TRPS1: variants seen among roughly 807,000 people sequenced by gnomAD.
TRPS1 encodes the protein zinc finger transcription factor Trps1.
Under a neutral mutation model 101.2 loss-of-function variants are expected in TRPS1, and 6 were observed. That is an observed-to-expected ratio of 0.06 (90% CI 0.03 to 0.12). The LOEUF is 0.12. TRPS1 is among the 10% of genes least tolerant of loss of function. TRPS1 has a pLI of 1.00. For missense variants in TRPS1, 1,363 were observed against 1,567.0 expected, an observed-to-expected ratio of 0.87 and a Z score of 2.20; for synonymous variants, 578 against 589.8, an observed-to-expected ratio of 0.98 and a Z score of 0.29.
At position 115,604,611 on chromosome 8, in the gene TRPS1, C is replaced by A; in HGVS notation, c.1358G>T (p.Ser453Ile). Residue 453 changes from serine (S) to isoleucine (I), a missense_variant, in exon 4 of 7, where the codon AGT (serine) becomes ATT (isoleucine). Physicochemically the swap from Ser to Ile is moderately radical, Grantham distance 142. This residue lies in a region of TRPS1 where 1,020 missense variants were observed against 1,073.0 expected (regional missense o/e 0.95). Coordinates refer to ENST00000395715, the MANE Select transcript of TRPS1 (RefSeq NM_014112.5). This position sits in a 1 kb window ranked among gnomAD's most constrained non-coding sequence, Gnocchi z 4.1. ...TGAGCTAGATGACTCACAGCTGAAA[C>A]TACAAAATTTACACCAGTAGTAACT... is the stretch of plus-strand genomic sequence containing the variant. ...ATSYYWCKFC[S>I]FSCESSSSLK... 1 of 1,614,058 alleles carries A rather than the reference C, an allele frequency of 6.2e-7. No individual in the cohort carries two copies. The highest frequency in any genetic ancestry group is 8.5e-7 in the Non-Finnish European group (1 of 1,180,004).
At chr8:115,640,192 G>C (rs1357813428) in intron 1 of TRPS1, among the ~76,000 whole-genome samples, 1 of 152,122 alleles carries the variant, frequency 6.6e-6, no homozygotes, top group Non-Finnish European at 1.5e-5. Context: ...AAGGCACTTT[G>C]CAGAAATTCC....
chr8:115,644,235 C>A (rs73378989), intron 1 of TRPS1, among the ~76,000 whole-genome samples: 5,483 of 152,236 alleles, frequency 0.036, 323 homozygotes, highest in African/African-American at 0.13. Context: ...TTTGAATGTG[C>A]TCCTTTGTCT....
At chr8:115,462,779 C>T (rs948400632) in intron 5 of TRPS1, among the ~76,000 whole-genome samples, 1 of 151,786 alleles carries the variant, frequency 6.6e-6, no homozygotes, top group African/African-American at 2.4e-5. Flanking sequence ...AAGAATAAGG[C>T]CAGGCAACTC....
intron 1 of TRPS1, among the ~76,000 whole-genome samples, chr8:115,666,256 T>A (rs927217413): frequency 3.3e-5 from 5 of 151,962 alleles, no homozygotes; most frequent in African/African-American, 9.7e-5. Context: ...AGATTAAGCA[T>A]ATCATTAATA....
At chr8:115,484,855 T>C (rs1316872233) in intron 5 of TRPS1, among the ~76,000 whole-genome samples, 1 of 152,168 alleles carries the variant, frequency 6.6e-6, no homozygotes, top group African/African-American at 2.4e-5. Flanking sequence ...CCACCACCAG[T>C]CTTGGAGAAT....
rs1398809169 is a variant in TRPS1, at chr8:115,409,316, T to C, written c.*4707A>G. ...ACCAGAATTGAGTTTTGGGACTCTATGCTCTAGAAGGACAATTTTCTCTGA... is the reference window on the plus strand; with the variant it reads ...ACCAGAATTGAGTTTTGGGACTCTACGCTCTAGAAGGACAATTTTCTCTGA... On this transcript the variant is annotated 3_prime_UTR_variant, in exon 7 of 7. Coordinates refer to ENST00000395715, the MANE Select transcript of TRPS1 (RefSeq NM_014112.5). 3.5e-5 allele frequency: 5 copies of C among 144,622 alleles called. No homozygotes were observed. The highest frequency in any genetic ancestry group is 7.5e-5 in the Non-Finnish European group (5 of 66,446). The allele number at this position is 144,622 out of a possible 1,614,324, so 9.0% of individuals were successfully genotyped here.
chr8:115,486,164 G>A lies in TRPS1; in HGVS notation c.2701-67712C>T, dbSNP rs937120570. On this transcript the variant is annotated intron_variant, in intron 5 of 6. Coordinates refer to ENST00000395715, the MANE Select transcript of TRPS1 (RefSeq NM_014112.5). ...ATTTTGGTAATTCTCACAATATTCC[G>A]AACTTTTTCATTATTACTATAGTAT... is the stretch of plus-strand genomic sequence containing the variant. Among the ~76,000 whole-genome samples the A allele has an allele frequency of 7.2e-5, 11 of 152,178 alleles. No homozygotes were observed. In the South Asian group the frequency reaches 1.0e-3, roughly 14 times the overall value.
intron 1 of TRPS1, among the ~76,000 whole-genome samples, chr8:115,624,812 A>T (rs752215383): frequency 3.3e-5 from 5 of 151,884 alleles, no homozygotes; most frequent in Non-Finnish European, 5.9e-5. Context: ...GCTTAAATAC[A>T]TAAGAAAAAA....
intron 5 of TRPS1, among the ~76,000 whole-genome samples, chr8:115,420,811 C>T (rs973845862): frequency 2.0e-5 from 3 of 152,056 alleles, no homozygotes; most frequent in Non-Finnish European, 4.4e-5. Flanking sequence ...ATCAGGAGTA[C>T]TTTGAATACA....
At chr8:115,654,787 C>A (rs922883509) in intron 1 of TRPS1, among the ~76,000 whole-genome samples, 1 of 152,096 alleles carries the variant, frequency 6.6e-6, no homozygotes, top group Non-Finnish European at 1.5e-5. Flanking sequence ...CACAGTAATT[C>A]TTTAACTTTC....
intron 5 of TRPS1, among the ~76,000 whole-genome samples, chr8:115,429,368 A>G (rs1813264116): frequency 6.6e-6 from 1 of 152,194 alleles, no homozygotes; most frequent in African/African-American, 2.4e-5. Context: ...TTTGTTATGT[A>G]TACATACGTA....
Position 115,587,362 on chromosome 8 carries a change from C to G in TRPS1, c.2339G>C (p.Arg780Thr). The G allele has an allele frequency of 1.9e-6, 3 of 1,614,226 alleles. No individual in the cohort carries two copies. Among genetic ancestry groups the G allele is most frequent in the Non-Finnish European group, 2.5e-6 (3 of 1,180,018 alleles). ...GEPVSESVVK[R>T]EKLEEKDGLK... is the part of the protein sequence containing the mutation. ...CCCGTCCTTCTCTTCCAGCTTCTCT[C>G]TCTTCACCACACTCTCAGAAACTGG... The change falls in exon 5 of 7, where the codon AGA (arginine) becomes ACA (threonine). Residue 780 changes from arginine (R) to threonine (T), a missense_variant. Physicochemically the swap from Arg to Thr is moderately conservative, Grantham distance 71. Coordinates refer to ENST00000395715, the MANE Select transcript of TRPS1 (RefSeq NM_014112.5).
chr8:115,413,932 T>A lies in TRPS1; in HGVS notation c.*91A>T. 5.2e-6 allele frequency: 7 copies of A among 1,337,732 alleles called. No individual in the cohort carries two copies. The highest frequency in any genetic ancestry group is 7.2e-6 in the Non-Finnish European group (7 of 967,720). 82.9% of individuals were successfully genotyped at this position (1,337,732 alleles called of 1,614,324 possible). A position where few individuals can be genotyped will look rare whatever the true frequency, so the allele number is the denominator to read the frequency against. ...TGGATAAGGCAGGCTCTATGAAGTA[T>A]TTTTTTAATAGGTCTTCATAAGACA... On this transcript the variant is annotated 3_prime_UTR_variant, in exon 7 of 7. Transcript: ENST00000395715.
intron 5 of TRPS1, among the ~76,000 whole-genome samples, chr8:115,528,965 G>A (rs1816065545): frequency 6.6e-6 from 1 of 152,002 alleles, no homozygotes; most frequent in Admixed American, 6.6e-5. Context: ...GGTACACAAT[G>A]GTTACCGTTA....
intron 5 of TRPS1, among the ~76,000 whole-genome samples, chr8:115,464,250 C>G (rs1814262997): frequency 6.6e-6 from 1 of 152,086 alleles, no homozygotes; most frequent in Non-Finnish European, 1.5e-5. Context: ...TTTTATCCAA[C>G]TGCTTTGTCC....
chr8:115,461,251 GGATAGATAGATAGATAGATAGATA>G (rs67435707), intron 5 of TRPS1, among the ~76,000 whole-genome samples: 24,624 of 144,408 alleles, frequency 0.17, 2,722 homozygotes, highest in Non-Finnish European at 0.23. Context: ...AAATAGACAA[GGATAGATAGATAGATAGATAGATA>G]GATAGATAGA....
intron 6 of TRPS1, among the ~76,000 whole-genome samples, chr8:115,416,970 C>A (rs1042019620): frequency 6.6e-6 from 1 of 152,028 alleles, no homozygotes; most frequent in African/African-American, 2.4e-5. Context: ...GTTTTTGACA[C>A]AAAATGTGAA....
At chr8:115,453,175 C>T (rs1813923806) in intron 5 of TRPS1, among the ~76,000 whole-genome samples, 1 of 152,050 alleles carries the variant, frequency 6.6e-6, no homozygotes, top group African/African-American at 2.4e-5. Flanking sequence ...TGCCCACCAC[C>T]ACATCCAGCT....
intron 1 of TRPS1, among the ~76,000 whole-genome samples, chr8:115,626,582 G>C (rs1008212599): frequency 6.6e-6 from 1 of 151,630 alleles, no homozygotes; most frequent in African/African-American, 2.4e-5. Context: ...AATTTTTAAA[G>C]CTATTTTTGA....
Sources: gnomAD v4.1 joint callset for allele counts (sites outside exome capture counted in the v4.1 genomes callset) on GRCh38, gnomAD v4.1.1 for gene constraint, gnomAD v4.1.1 regional missense constraint, Gnocchi (gnomAD v3.1) non-coding constraint, MANE v1.5 for transcripts, NCBI Gene and HGNC (gene_info 2026-07-23, HGNC 2026-07-21) for gene names.